TMTC1: variants seen among roughly 807,000 people sequenced by gnomAD.
TMTC1 encodes transmembrane O-mannosyltransferase targeting cadherins 1.
TMTC1 carries 73 observed loss-of-function variants against 104.8 expected under a neutral mutation model. That is an observed-to-expected ratio of 0.70 (90% confidence interval 0.58 to 0.85). The LOEUF is 0.85. Ranked by LOEUF, TMTC1 falls within the 40% of genes least tolerant of loss-of-function variation. The pLI is 0.00. For synonymous variants in TMTC1, 434 were observed against 428.7 expected, an observed-to-expected ratio of 1.01 and a Z score of -0.15; for missense variants, 1,035 against 1,096.1, an observed-to-expected ratio of 0.94 and a Z score of 0.79.
chr12:29,688,660 T>A (rs746751941), intron 5 of TMTC1, among the ~76,000 whole-genome samples: 7 of 152,236 alleles, frequency 4.6e-5, no homozygotes, highest in South Asian at 2.1e-4. Flanking sequence ...CAGCTACCTA[T>A]GGGTGTTTCA....
intron 5 of TMTC1, among the ~76,000 whole-genome samples, chr12:29,734,371 A>G (rs1361276198): frequency 1.3e-5 from 2 of 152,212 alleles, no homozygotes; most frequent in Non-Finnish European, 2.9e-5. Context: ...AGTGGGTTCT[A>G]GGAGACACAA....
At chr12:29,598,105 G>A (rs1171743255) in intron 7 of TMTC1, among the ~76,000 whole-genome samples, 2 of 152,154 alleles carry the variant, frequency 1.3e-5, no homozygotes, top group Non-Finnish European at 2.9e-5. Context: ...CTTTCAAGAC[G>A]GCTAGCCAGT....
At chr12:29,572,005 G>A in intron 9 of TMTC1, 100 bp downstream of exon 9, 1 of 926,772 alleles carries the variant, frequency 1.1e-6, no homozygotes. Context: ...ACTGTCAAGA[G>A]AAACAAACAA....
At chr12:29,698,893 C>T (rs2136787050) in intron 5 of TMTC1, among the ~76,000 whole-genome samples, 1 of 152,304 alleles carries the variant, frequency 6.6e-6, no homozygotes, top group East Asian at 1.9e-4. Context: ...CAACCCCATA[C>T]TCTCCAGCTG....
intron 1 of TMTC1, among the ~76,000 whole-genome samples, chr12:29,776,938 T>G (rs999530045): frequency 6.6e-6 from 1 of 152,156 alleles, no homozygotes; most frequent in Non-Finnish European, 1.5e-5. Context: ...TCTGGAATGC[T>G]GGTGCAGAGA....
At chr12:29,740,151 C>T (rs2136941065) in intron 5 of TMTC1, among the ~76,000 whole-genome samples, 1 of 152,244 alleles carries the variant, frequency 6.6e-6, no homozygotes, top group East Asian at 1.9e-4. Flanking sequence ...GTAGCTGAAA[C>T]CACAGGTGTG....
At chr12:29,582,017 T>A (rs866447613) in intron 8 of TMTC1, among the ~76,000 whole-genome samples, 2 of 152,258 alleles carry the variant, frequency 1.3e-5, no homozygotes, top group Middle Eastern at 3.4e-3. Flanking sequence ...AAACTCTACA[T>A]TGAGCTCCCT....
chr12:29,588,742 C>A (rs149144232), intron 7 of TMTC1, among the ~76,000 whole-genome samples: 1 of 152,144 alleles, frequency 6.6e-6, no homozygotes, highest in Non-Finnish European at 1.5e-5. Context: ...TCACAGAAGT[C>A]CTCACTGACA....
In TMTC1 at chr12:29,732,011, CA is replaced by C. The variant is rs1353883688; in HGVS notation, c.938+19654del. Among the ~76,000 whole-genome samples the C allele has an allele frequency of 2.6e-5, 4 of 152,142 alleles. No individual in the cohort carries two copies. The East Asian group carries it at 7.7e-4, about 29-fold the overall frequency. Reference sequence around the variant, plus strand: ...AGAATATTCTTTTCCTGAAATTAGTCAATTAAATATTTATTCCATATAAATT... The same window carrying C: ...AGAATATTCTTTTCCTGAAATTAGTCATTAAATATTTATTCCATATAAATT... On this transcript the variant is annotated intron_variant, in intron 5 of 17. Coordinates refer to ENST00000539277, the MANE Select transcript of TMTC1 (RefSeq NM_001193451.2).
intron 7 of TMTC1, among the ~76,000 whole-genome samples, chr12:29,594,812 T>C (rs1304454781): frequency 6.6e-6 from 1 of 152,172 alleles, no homozygotes; most frequent in Non-Finnish European, 1.5e-5. Flanking sequence ...CCCTTCAATA[T>C]GGCATTGCAG....
chr12:29,570,527 C>T (rs532214807), intron 9 of TMTC1, among the ~76,000 whole-genome samples: 145 of 152,262 alleles, frequency 9.5e-4, no homozygotes, highest in African/African-American at 3.3e-3. Flanking sequence ...TGATAGCAAA[C>T]TTGATATCTA....
chr12:29,538,929 G>A (rs138375826), intron 10 of TMTC1, among the ~76,000 whole-genome samples: 103 of 152,212 alleles, frequency 6.8e-4, no homozygotes, highest in African/African-American at 2.4e-3. Context: ...CTTGGGAGCC[G>A]CTGAGTGTCA....
intron 5 of TMTC1, among the ~76,000 whole-genome samples, chr12:29,728,827 G>A (rs12817170): frequency 0.14 from 20,401 of 148,330 alleles, 1,598 homozygotes; most frequent in Admixed American, 0.23. Flanking sequence ...TGAAACCGCC[G>A]TCCTACAAAA....
At chr12:29,689,713 C>A (rs1941207000) in intron 5 of TMTC1, among the ~76,000 whole-genome samples, 1 of 152,164 alleles carries the variant, frequency 6.6e-6, no homozygotes, top group Admixed American at 6.6e-5. Flanking sequence ...AAAGTAATAA[C>A]AATGGCTTTG....
chr12:29,676,027 A>T (rs1207657176), intron 5 of TMTC1, among the ~76,000 whole-genome samples: 1 of 152,226 alleles, frequency 6.6e-6, no homozygotes, highest in African/African-American at 2.4e-5. Flanking sequence ...AGCTTACGCC[A>T]TTAATTAAAA....
intron 10 of TMTC1, among the ~76,000 whole-genome samples, chr12:29,543,742 T>C (rs1208839884): frequency 6.6e-6 from 1 of 152,208 alleles, no homozygotes; most frequent in Non-Finnish European, 1.5e-5. Flanking sequence ...TCTACTATCT[T>C]TCCTGTACAG....
rs1411981724 is a variant in TMTC1, at chr12:29,783,341, G to A, written c.302+109C>T. On this transcript the variant is annotated intron_variant, in intron 1 of 17. Coordinates refer to ENST00000539277, the MANE Select transcript of TMTC1 (RefSeq NM_001193451.2). The surrounding 1 kb of genome is among the most constrained non-coding windows in gnomAD (Gnocchi z 4.7). ...AGAGGAGGGAGGCGTGGAGGGAAAG[G>A]GCGGCAAAAATGAAATGCCCCCAAG... 5.9e-6 allele frequency: 6 copies of A among 1,008,458 alleles called. No homozygotes were observed. In the African/African-American group the frequency reaches 8.4e-5, roughly 14 times the overall value. The allele number at this position is 1,008,458 out of a possible 1,614,324, so 62.5% of individuals were successfully genotyped here. A position where few individuals can be genotyped will look rare whatever the true frequency, so the allele number is the denominator to read the frequency against.
chr12:29,716,257 A>C (rs1240064966), intron 5 of TMTC1, among the ~76,000 whole-genome samples: 4 of 152,052 alleles, frequency 2.6e-5, no homozygotes, highest in Non-Finnish European at 5.9e-5. Context: ...GCTGGCTTCA[A>C]GGGATCCACC....
chr12:29,662,870 G>A (rs1478719331), intron 5 of TMTC1, among the ~76,000 whole-genome samples: 2 of 152,096 alleles, frequency 1.3e-5, no homozygotes, highest in South Asian at 2.1e-4. Context: ...AAAACGAGGA[G>A]TCCAAAAAAC....
Sources: allele counts gnomAD v4.1 joint callset (sites outside exome capture counted in the v4.1 genomes callset), GRCh38; gene constraint gnomAD v4.1.1; non-coding constraint Gnocchi (gnomAD v3.1); transcripts MANE v1.5; gene names NCBI Gene and HGNC (gene_info 2026-07-23, HGNC 2026-07-21).